COL4A3: variants seen among roughly 807,000 people sequenced by gnomAD.
COL4A3 encodes collagen type IV alpha 3 chain, also known as collagen alpha-3(IV) chain.
COL4A3 carries 135 observed loss-of-function variants against 217.4 expected under a neutral mutation model. The ratio of observed to expected loss-of-function variants is 0.62; its 90% confidence interval spans 0.54 to 0.72. COL4A3 has a LOEUF of 0.72. Among genes scored for constraint, COL4A3 ranks in the 30% least tolerant of loss-of-function variants. COL4A3 has a pLI of 0.00. For missense variants in COL4A3, 1,868 were observed against 2,119.9 expected (o/e 0.88, Z 2.33); for synonymous variants, 690 against 736.3 (o/e 0.94, Z 1.02).
In COL4A3 at chr2:227,300,934, A is replaced by T. The variant is rs192039851; in HGVS notation, c.3883-2104A>T. ...GGAAAGGAGCTTTCTGAGCAAAATGACAATGGGTGTGTGTGAGTGACACAC... is the reference window on the plus strand; with the variant it reads ...GGAAAGGAGCTTTCTGAGCAAAATGTCAATGGGTGTGTGTGAGTGACACAC... On this transcript the variant is annotated intron_variant, in intron 43 of 51. Transcript: ENST00000396578. Among the ~76,000 whole-genome samples the T allele has an allele frequency of 2.0e-5, 3 of 151,806 alleles. No individual in the cohort carries two copies. The South Asian group carries it at 6.2e-4, about 31-fold the overall frequency.
intron 47 of COL4A3, among the ~76,000 whole-genome samples, chr2:227,306,511 T>C (rs2073507670): frequency 6.6e-6 from 1 of 152,034 alleles, no homozygotes; most frequent in Non-Finnish European, 1.5e-5. Flanking sequence ...AAAATGTGTC[T>C]CCCCAATATA....
At chr2:227,297,977 TC>T in intron 42 of COL4A3, 118 bp downstream of exon 42, 1 of 1,151,260 alleles carries the variant, frequency 8.7e-7, no homozygotes, top group Non-Finnish European at 1.3e-6. Flanking sequence ...TCATCTCCAT[TC>T]CCCCACTACC....
rs1574699806 is a variant in COL4A3, at chr2:227,253,598, G to A, written c.725G>A (p.Gly242Glu). Residue 242 changes from glycine (G) to glutamate (E), a missense_variant, in exon 13 of 52, where the codon GGA becomes GAA. Physicochemically the swap from Gly to Glu is moderately conservative, Grantham distance 98. Transcript: ENST00000396578. This position sits in a 1 kb window ranked among gnomAD's most constrained non-coding sequence, Gnocchi z 4.4. ...TTAACAGGACCCCCGGGACCACCAG[G>A]AACAGTTATTGTGACCCTAACTGGC... ...KGLTGPPGPPGTVIVTLTGPD... is the reference protein window; with the variant it reads ...KGLTGPPGPPETVIVTLTGPD... The A allele has an allele frequency of 6.2e-7, 1 of 1,614,090 alleles. No homozygotes were observed.
At chr2:227,225,186 G>A (rs752311623) in intron 1 of COL4A3, among the ~76,000 whole-genome samples, 8 of 152,224 alleles carry the variant, frequency 5.3e-5, no homozygotes, top group Non-Finnish European at 1.0e-4. Flanking sequence ...GATAACAGGT[G>A]TGAGCCACCT....
chr2:227,280,612 C>T (rs754773146), intron 30 of COL4A3, 22 bp downstream of exon 30: 3 of 1,613,332 alleles, frequency 1.9e-6, no homozygotes, highest in Admixed American at 1.7e-5. Context: ...AGTGTCATTA[C>T]TTTTCTCCAC....
At position 227,314,513 on chromosome 2, in the gene COL4A3, CATT is replaced by C. The variant is rs2073839437; in HGVS notation, c.*2648_*2650del. 2 of 152,546 alleles carry C rather than the reference CATT, an allele frequency of 1.3e-5. No homozygotes were observed. Among genetic ancestry groups the C allele is most frequent in the African/African-American group, 4.8e-5 (2 of 41,424 alleles). The allele number at this position is 152,546 out of a possible 1,614,324, so 9.4% of individuals were successfully genotyped here. On this transcript the variant is annotated 3_prime_UTR_variant, in exon 52 of 52. Coordinates refer to ENST00000396578, the MANE Select transcript of COL4A3 (RefSeq NM_000091.5). The stretch of plus-strand genomic sequence containing the variant: ...CTCAGAAGTCTTTCAGCAAGATAAA[CATT>C]ATTAAGTAACTTATTTATGAAAGTA...
At chr2:227,274,537 C>G (rs1327138603) in intron 26 of COL4A3, among the ~76,000 whole-genome samples, 1 of 150,208 alleles carries the variant, frequency 6.7e-6, no homozygotes, top group Non-Finnish European at 1.5e-5. Flanking sequence ...CTTGCTCTGT[C>G]GCCCAGGCTG....
intron 1 of COL4A3, among the ~76,000 whole-genome samples, chr2:227,176,185 A>G (rs955684651): frequency 1.3e-5 from 2 of 152,232 alleles, no homozygotes; most frequent in Non-Finnish European, 2.9e-5. Flanking sequence ...ATTTGGTGCC[A>G]TTATTTTGAT....
At chr2:227,185,058 G>A (rs11688726) in intron 1 of COL4A3, among the ~76,000 whole-genome samples, 35,842 of 151,510 alleles carry the variant, frequency 0.24, 4,798 homozygotes, top group South Asian at 0.33. Context: ...CCCGCCACAC[G>A]CCCAGCTAAT....
At position 227,164,710 on chromosome 2, in the gene COL4A3, C is replaced by T; in HGVS notation, c.-17C>T. 6.5e-7 allele frequency: 1 copy of T among 1,530,742 alleles called. No individual in the cohort carries two copies. Among genetic ancestry groups the T allele is most frequent in the Middle Eastern group, 2.3e-4 (1 of 4,344 alleles). The allele number at this position is 1,530,742 out of a possible 1,614,324, so 94.8% of individuals were successfully genotyped here. A position where few individuals can be genotyped will look rare whatever the true frequency, so the allele number is the denominator to read the frequency against. On this transcript the variant is annotated 5_prime_UTR_variant, in exon 1 of 52. Coordinates refer to ENST00000396578, the MANE Select transcript of COL4A3 (RefSeq NM_000091.5). The surrounding 1 kb of genome is among the most constrained non-coding windows in gnomAD (Gnocchi z 4.8). ...GAGGGTCCCCGGACTCGCCCAGGCT[C>T]TGAGCGCGCGCCCACCATGAGCGCC...
chr2:227,310,980 A>G (rs763850749), intron 51 of COL4A3, 32 bp downstream of exon 51: 16 of 1,609,926 alleles, frequency 9.9e-6, no homozygotes, highest in Non-Finnish European at 1.3e-5. Context: ...TAATCTGATG[A>G]CTCAATTGCA....
Position 227,276,269 on chromosome 2 carries a change from G to T in COL4A3, c.1928-116G>T, listed in dbSNP as rs932952967. The T allele has an allele frequency of 8.8e-5, 70 of 796,752 alleles. 1 individual carries two copies. The highest frequency in any genetic ancestry group is 7.0e-4 in the South Asian group (48 of 68,130). The allele number at this position is 796,752 out of a possible 1,614,324, so 49.4% of individuals were successfully genotyped here. A position where few individuals can be genotyped will look rare whatever the true frequency, so the allele number is the denominator to read the frequency against. On this transcript the variant is annotated intron_variant, in intron 26 of 51. Transcript: ENST00000396578. ...AGTTTTGAAGTCTGTGAAAACAGAG[G>T]TTATTTTTTATTTTTTGGGGATATG...
Position 227,253,353 on chromosome 2 carries a change from T to C in COL4A3, c.687+16T>C. The C allele has an allele frequency of 1.2e-6, 2 of 1,612,368 alleles. No homozygotes were observed. The highest frequency in any genetic ancestry group is 1.7e-6 in the Non-Finnish European group (2 of 1,178,364). On this transcript the variant is annotated intron_variant, in intron 12 of 51. Coordinates refer to ENST00000396578, the MANE Select transcript of COL4A3 (RefSeq NM_000091.5). This position sits in a 1 kb window ranked among gnomAD's most constrained non-coding sequence, Gnocchi z 4.4. ...AGGAGAGCGGGTAATTTAAATACTA[T>C]GTTTTATTAGCAGGCGAGATATTTT...
At chr2:227,198,053 T>C (rs2066550029) in intron 1 of COL4A3, among the ~76,000 whole-genome samples, 1 of 152,212 alleles carries the variant, frequency 6.6e-6, no homozygotes, top group South Asian at 2.1e-4. Context: ...CCAAATCCCT[T>C]GGAAGTGGCC....
chr2:227,211,700 C>T (rs2067328663), intron 1 of COL4A3, among the ~76,000 whole-genome samples: 1 of 150,398 alleles, frequency 6.6e-6, no homozygotes. Context: ...CTCTGTTGCC[C>T]AGGCTGGAGT....
intron 33 of COL4A3, 26 bp from the exon 34 acceptor site, chr2:227,284,185 C>T: frequency 6.2e-7 from 1 of 1,613,850 alleles, no homozygotes; most frequent in South Asian, 1.1e-5. Flanking sequence ...AATTAAGGAC[C>T]TGATGTTGTT....
At chr2:227,194,496 C>A (rs909078117) in intron 1 of COL4A3, among the ~76,000 whole-genome samples, 2 of 152,120 alleles carry the variant, frequency 1.3e-5, no homozygotes, top group Non-Finnish European at 2.9e-5. Flanking sequence ...TTGCCAGAAG[C>A]CTGAAAGCTC....
chr2:227,198,980 G>A (rs575736854), intron 1 of COL4A3, among the ~76,000 whole-genome samples: 1 of 152,220 alleles, frequency 6.6e-6, no homozygotes, highest in Non-Finnish European at 1.5e-5. Flanking sequence ...ATTAGAAATG[G>A]CAGCAACTGA....
rs1368961248 is a variant in COL4A3 at position 227,297,666 on chromosome 2, CT to C, written c.3566-5del. The C allele has an allele frequency of 1.9e-6, 3 of 1,603,480 alleles. No homozygotes were observed. The highest frequency in any genetic ancestry group is 2.7e-5 in the African/African-American group (2 of 74,870). On this transcript the variant is annotated splice_region_variant and splice_polypyrimidine_tract_variant and intron_variant, in intron 41 of 51. Coordinates refer to ENST00000396578, the MANE Select transcript of COL4A3 (RefSeq NM_000091.5). ...TTAAAGAAACTTATTAAGCCTTCTTCTTTGCAGGAGCCAAAGGAGACAGGGG... is the reference window on the plus strand; with the variant it reads ...TTAAAGAAACTTATTAAGCCTTCTTCTTGCAGGAGCCAAAGGAGACAGGGG...
Sources: gnomAD v4.1 joint callset for allele counts (sites outside exome capture counted in the v4.1 genomes callset) on GRCh38, gnomAD v4.1.1 for gene constraint, Gnocchi (gnomAD v3.1) non-coding constraint, MANE v1.5 for transcripts, NCBI Gene and HGNC (gene_info 2026-07-23, HGNC 2026-07-21) for gene names.